TIAM1: variants seen among roughly 807,000 people sequenced by gnomAD.
TIAM1 encodes the protein rho guanine nucleotide exchange factor TIAM1.
In TIAM1, 65 loss-of-function variants were observed where a neutral mutation model predicts 163.5. The observed-to-expected ratio is 0.40, with a 90% CI of 0.33 to 0.49. The LOEUF is 0.49. Ranked by LOEUF, TIAM1 falls within the 20% of genes least tolerant of loss-of-function variation. The pLI is 0.77. For synonymous variants in TIAM1, 833 were observed against 810.1 expected (o/e 1.03, Z -0.48); for missense variants, 1,789 against 2,044.7 (o/e 0.87, Z 2.41).
At chr21:31,503,737 C>CAATA (rs2046940427) in intron 1 of TIAM1, among the ~76,000 whole-genome samples, 1 of 150,976 alleles carries the variant, frequency 6.6e-6, no homozygotes, top group Admixed American at 6.6e-5. Flanking sequence ...TCAGGACCCA[C>CAATA]AATACCTCTT....
chr21:31,371,746 A>G (rs1334730752), intron 2 of TIAM1, among the ~76,000 whole-genome samples: 2 of 152,194 alleles, frequency 1.3e-5, no homozygotes, highest in Admixed American at 6.5e-5. Context: ...ACTTGTCATC[A>G]GGCAAGAAGA....
intron 1 of TIAM1, among the ~76,000 whole-genome samples, chr21:31,491,161 G>A (rs1223775211): frequency 6.6e-6 from 1 of 152,000 alleles, no homozygotes; most frequent in Non-Finnish European, 1.5e-5. Context: ...AGGAAGGGAA[G>A]GAAGGGAAGG....
rs184919399 is a variant in TIAM1 at position 31,535,151 on chromosome 21, G to A, written c.-422+23776C>T. Among the ~76,000 whole-genome samples, 105 of 151,482 alleles carry A rather than the reference G, an allele frequency of 6.9e-4. 1 individual carries two copies. The highest frequency in any genetic ancestry group is 2.9e-4 in the Non-Finnish European group (20 of 67,906). The stretch of plus-strand genomic sequence containing the variant: ...TAATCCCAGCACTTTGGGAGGCCAA[G>A]GCAGGCGAATCACAAGGTCAGGAGT... On this transcript the variant is annotated intron_variant, in intron 1 of 28. Transcript: ENST00000286827.
At chr21:31,494,661 G>A (rs1225782911) in intron 1 of TIAM1, among the ~76,000 whole-genome samples, 1 of 152,082 alleles carries the variant, frequency 6.6e-6, no homozygotes, top group Admixed American at 6.6e-5. Flanking sequence ...TGGCCAACAC[G>A]GTGAAAACCT....
intron 13 of TIAM1, among the ~76,000 whole-genome samples, chr21:31,194,196 T>G (rs2085727815): frequency 6.6e-6 from 1 of 152,054 alleles, no homozygotes; most frequent in Admixed American, 6.5e-5. Context: ...CATCCTCGAT[T>G]CCCTTGGCAT....
intron 1 of TIAM1, among the ~76,000 whole-genome samples, chr21:31,486,874 C>T (rs1445317825): frequency 6.6e-6 from 1 of 152,238 alleles, no homozygotes; most frequent in Non-Finnish European, 1.5e-5. Flanking sequence ...GACCTTTCTG[C>T]TGTGTGGCCG....
At chr21:31,434,997 T>C (rs987723459) in intron 2 of TIAM1, among the ~76,000 whole-genome samples, 1 of 152,262 alleles carries the variant, frequency 6.6e-6, no homozygotes, top group South Asian at 2.1e-4. Flanking sequence ...GCTAAATTCA[T>C]ATGCTGTTCA....
At chr21:31,479,678 A>G (rs974910262) in intron 1 of TIAM1, among the ~76,000 whole-genome samples, 4 of 152,144 alleles carry the variant, frequency 2.6e-5, no homozygotes, top group Admixed American at 6.6e-5. Flanking sequence ...CAATTTACTA[A>G]CACGCCACTG....
intron 1 of TIAM1, among the ~76,000 whole-genome samples, chr21:31,549,418 T>C (rs1432971366): frequency 6.6e-6 from 1 of 152,148 alleles, no homozygotes; most frequent in East Asian, 1.9e-4. Flanking sequence ...GCAAATCATA[T>C]ATTTGATAAG....
intron 2 of TIAM1, among the ~76,000 whole-genome samples, chr21:31,432,131 T>C (rs2044058843): frequency 7.7e-6 from 1 of 129,918 alleles, no homozygotes. Context: ...AGACGGAGTC[T>C]CGCTCTGACA....
At chr21:31,419,603 T>C (rs1215987896) in intron 2 of TIAM1, among the ~76,000 whole-genome samples, 2 of 152,250 alleles carry the variant, frequency 1.3e-5, no homozygotes, top group Admixed American at 6.5e-5. Flanking sequence ...CAGTTTAAAC[T>C]CTTTTTCCAG....
Position 31,267,884 on chromosome 21 carries a change from C to T in TIAM1, c.-11-901G>A, listed in dbSNP as rs764031239. Reference sequence around the variant, plus strand: ...ATTGTGAAACCACTAAGTGTGATTCCGCCTTCTGGGGCCCCCCAGGTTAAT... The same window carrying T: ...ATTGTGAAACCACTAAGTGTGATTCTGCCTTCTGGGGCCCCCCAGGTTAAT... On this transcript the variant is annotated intron_variant, in intron 3 of 27. Coordinates refer to ENST00000541036, the MANE Select transcript of TIAM1 (RefSeq NM_001353694.2). 5.9e-5 allele frequency among the ~76,000 whole-genome samples: 9 copies of T among 152,142 alleles called. No homozygotes were observed. The East Asian group carries it at 7.7e-4, about 13-fold the overall frequency.
intron 2 of TIAM1, among the ~76,000 whole-genome samples, chr21:31,392,951 CTG>C (rs2076992958): frequency 7.6e-6 from 1 of 131,604 alleles, no homozygotes; most frequent in Admixed American, 8.4e-5. Context: ...CCAAATAAAC[CTG>C]TCTTCTTTTT....
chr21:31,134,355 G>T (rs1339034030), intron 23 of TIAM1, among the ~76,000 whole-genome samples: 1 of 152,082 alleles, frequency 6.6e-6, no homozygotes, highest in Non-Finnish European at 1.5e-5. Flanking sequence ...AATCACTATA[G>T]AAGAAACACA....
At chr21:31,439,971 T>C (rs1192843926) in intron 2 of TIAM1, among the ~76,000 whole-genome samples, 3 of 152,262 alleles carry the variant, frequency 2.0e-5, no homozygotes, top group Admixed American at 6.5e-5. Flanking sequence ...CGATTGTCAA[T>C]AGGGTCTTGA....
intron 2 of TIAM1, among the ~76,000 whole-genome samples, chr21:31,300,401 G>A (rs1484949258): frequency 6.6e-6 from 1 of 152,168 alleles, no homozygotes; most frequent in African/African-American, 2.4e-5. Context: ...AAATAAACAA[G>A]TATGGGAAAT....
intron 8 of TIAM1, 59 bp from the exon 9 acceptor site, chr21:31,217,758 C>T: frequency 6.3e-7 from 1 of 1,575,468 alleles, no homozygotes; most frequent in Non-Finnish European, 8.6e-7. Context: ...CCCACTTGTG[C>T]CTTGAGGTCC....
intron 2 of TIAM1, among the ~76,000 whole-genome samples, chr21:31,401,773 G>A (rs953783268): frequency 6.6e-6 from 1 of 151,992 alleles, no homozygotes. Context: ...GCTGGTCATG[G>A]TGGTATGCAC....
chr21:31,490,895 GGT>G (rs1016519335), intron 1 of TIAM1, among the ~76,000 whole-genome samples: 1 of 152,238 alleles, frequency 6.6e-6, no homozygotes, highest in African/African-American at 2.4e-5. Flanking sequence ...GGGAGGCCAA[GGT>G]GGGCGGATCG....
Sources: gnomAD v4.1 joint callset for allele counts (sites outside exome capture counted in the v4.1 genomes callset) on GRCh38, gnomAD v4.1.1 for gene constraint, MANE v1.5 for transcripts, NCBI Gene and HGNC (gene_info 2026-07-23, HGNC 2026-07-21) for gene names.